The following SYNE1 variants were observed in gnomAD, a reference collection of about 807,000 sequenced individuals.
SYNE1 encodes nesprin-1.
In SYNE1, 616 loss-of-function variants were observed where a neutral mutation model predicts 1,111.0. That is an observed-to-expected ratio of 0.55 (90% CI 0.52 to 0.59). The LOEUF (loss-of-function observed/expected upper bound fraction) is 0.59, where lower values mean the gene tolerates loss of function less well. Ranked by LOEUF, SYNE1 falls within the 20% of genes least tolerant of loss-of-function variation. The pLI is 0.00. For missense variants in SYNE1, 10,006 were observed against 10,417.0 expected (o/e 0.96, Z 1.72); for synonymous variants, 3,855 against 3,825.8 (o/e 1.01, Z -0.28).
intron 3 of SYNE1, among the ~76,000 whole-genome samples, chr6:152,593,904 C>CCCACA (rs779021821): frequency 6.6e-6 from 1 of 152,178 alleles, no homozygotes; most frequent in Non-Finnish European, 1.5e-5. Context: ...TGGGCCTCCA[C>CCCACA]AAACAAGAGC....
intron 64 of SYNE1, among the ~76,000 whole-genome samples, 155 bp from the exon 65 acceptor site, chr6:152,359,613 T>C (rs1439727111): frequency 6.6e-6 from 1 of 150,680 alleles, no homozygotes; most frequent in Non-Finnish European, 1.5e-5. Context: ...GACACAGATA[T>C]GTGTGTGAAT....
chr6:152,483,337 A>ATGT, intron 13 of SYNE1, 88 bp from the exon 14 acceptor site: 5 of 1,127,046 alleles, frequency 4.4e-6, no homozygotes, highest in Non-Finnish European at 6.6e-6. Context: ...AAGCATACAT[A>ATGT]AAGCTTTAAG....
chr6:152,352,326 G>A lies in SYNE1; in HGVS notation c.11281C>T (p.His3761Tyr), dbSNP rs1370693313. 6.2e-7 allele frequency: 1 copy of A among 1,614,060 alleles called. No individual in the cohort carries two copies. Among genetic ancestry groups the A allele is most frequent in the Non-Finnish European group, 8.5e-7 (1 of 1,180,016 alleles). ...TCCCGGGCTGATTTCAGCAAACTGTGACCTTTCTCCATGTCTTTGAGCAAA... is the reference window on the plus strand; with the variant it reads ...TCCCGGGCTGATTTCAGCAAACTGTAACCTTTCTCCATGTCTTTGAGCAAA... Reference protein sequence around the residue: ...EVLLKDMEKGHSLLKSAREKG... With the variant: ...EVLLKDMEKGYSLLKSAREKG... Residue 3761 changes from histidine (H) to tyrosine (Y), a missense_variant, in exon 70 of 146, where the codon CAC becomes TAC. Physicochemically the swap from His to Tyr is moderately conservative, Grantham distance 83. This residue lies in a region of SYNE1 where 4,955 missense variants were observed against 5,017.2 expected (regional missense o/e 0.99). Transcript: ENST00000367255.
Position 152,442,189 on chromosome 6 carries a change from C to T in SYNE1, c.3894G>A (p.Gln1298=). 1.2e-6 allele frequency: 2 copies of T among 1,613,728 alleles called. No homozygotes were observed. The highest frequency in any genetic ancestry group is 8.5e-7 in the Non-Finnish European group (1 of 1,180,046). The change falls in exon 31 of 146, where the codon CAG becomes CAA. Residue 1298 remains glutamine, a synonymous_variant. Coordinates refer to ENST00000367255, the MANE Select transcript of SYNE1 (RefSeq NM_182961.4). The stretch of plus-strand genomic sequence containing the variant: ...GCAGCCCCCCTTCTCCCTGCTGCGC[C>T]TGCGCGATCTGCTGCTGCACATCTC... ...KKRDVQQQIA[Q]AQQGEGGLPD...
intron 107 of SYNE1, among the ~76,000 whole-genome samples, chr6:152,241,467 T>G (rs1282195166): frequency 1.4e-5 from 2 of 146,396 alleles, no homozygotes; most frequent in Non-Finnish European, 1.5e-5. Flanking sequence ...ACTGGCAAAA[T>G]TGCTTTCGTA....
rs756276010 is a variant in SYNE1 at position 152,278,071 on chromosome 6, A to G, written c.18573+18T>C. On this transcript the variant is annotated intron_variant, in intron 98 of 145. Coordinates refer to ENST00000367255, the MANE Select transcript of SYNE1 (RefSeq NM_182961.4). ...GTGTGCCAACTTTCAGCTGTGGGCC[A>G]GCGGCTGGAACCCTCACCTGCATGT... 1.2e-6 allele frequency: 2 copies of G among 1,613,524 alleles called. No homozygotes were observed. Among genetic ancestry groups the G allele is most frequent in the Non-Finnish European group, 1.7e-6 (2 of 1,179,828 alleles).
intron 3 of SYNE1, among the ~76,000 whole-genome samples, chr6:152,583,547 T>G (rs2099527383): frequency 6.6e-6 from 1 of 152,226 alleles, no homozygotes; most frequent in Non-Finnish European, 1.5e-5. Context: ...GGGACCTTTA[T>G]CAGAAAACTT....
chr6:152,406,965 TGG>T, intron 45 of SYNE1, 47 bp downstream of exon 45: 1 of 1,462,382 alleles, frequency 6.8e-7, no homozygotes, highest in Non-Finnish European at 9.3e-7. Context: ...TTTCATATTC[TGG>T]TCAACAATAT....
rs750993736 is a variant in SYNE1, at chr6:152,483,055, G to A, written c.1350+30C>T. 1.9e-6 allele frequency: 3 copies of A among 1,613,798 alleles called. No individual in the cohort carries two copies. In the Admixed American group the frequency reaches 5.0e-5, roughly 27 times the overall value. ...CTCCAGACCACAGTAGGGCTGTTAT[G>A]CTGCAAGGTTTTCCAACCAGAATTT... On this transcript the variant is annotated intron_variant, in intron 14 of 145. Transcript: ENST00000367255.
rs1273026201 is a variant in SYNE1 at position 152,461,720 on chromosome 6, A to G, written c.2271T>C (p.Pro757=). The G allele has an allele frequency of 6.2e-7, 1 of 1,613,886 alleles. No homozygotes were observed. The highest frequency in any genetic ancestry group is 2.2e-5 in the East Asian group (1 of 44,882). Residue 757 remains proline, a synonymous_variant, in exon 21 of 146, where the codon CCT becomes CCC. Coordinates refer to ENST00000367255, the MANE Select transcript of SYNE1 (RefSeq NM_182961.4). Reference sequence around the variant, plus strand: ...TTATCTTGTATTGGGCATCCATCACAGGCACCCTCTGCTCAATATCCTGCA... The same window carrying G: ...TTATCTTGTATTGGGCATCCATCACGGGCACCCTCTGCTCAATATCCTGCA... ...QDLEDIEQRV[P]VMDAQYKIIT... is the part of the protein sequence containing the mutation.
chr6:152,140,195 T>C (rs747020536), intron 139 of SYNE1, 34 bp from the exon 140 acceptor site: 4 of 1,603,086 alleles, frequency 2.5e-6, no homozygotes, highest in Non-Finnish European at 3.4e-6. Context: ...TGAGGTTATT[T>C]TCCTCTACAT....
At chr6:152,211,627 C>T in intron 123 of SYNE1, 39 bp from the exon 124 acceptor site, 3 of 1,548,950 alleles carry the variant, frequency 1.9e-6, no homozygotes, top group Non-Finnish European at 1.8e-6. Context: ...TTTAGAGTTC[C>T]TAATTTTAGT....
intron 16 of SYNE1, among the ~76,000 whole-genome samples, chr6:152,470,579 T>C (rs1340734912): frequency 6.6e-6 from 1 of 152,020 alleles, no homozygotes; most frequent in Non-Finnish European, 1.5e-5. Context: ...AGTTAAATCA[T>C]TTTTTTCTCA....
chr6:152,240,560 T>C (rs2085383208), intron 107 of SYNE1, among the ~76,000 whole-genome samples: 1 of 152,232 alleles, frequency 6.6e-6, no homozygotes, highest in Non-Finnish European at 1.5e-5. Flanking sequence ...GAGATTGAGC[T>C]TATCTCATTT....
At chr6:152,181,852 T>C (rs760435860) in intron 128 of SYNE1, among the ~76,000 whole-genome samples, 49 of 152,200 alleles carry the variant, frequency 3.2e-4, no homozygotes, top group African/African-American at 1.1e-3. Context: ...GGTAACACTA[T>C]AGATTGTTTT....
intron 13 of SYNE1, among the ~76,000 whole-genome samples, chr6:152,483,692 A>G (rs1331381292): frequency 6.6e-6 from 1 of 152,144 alleles, no homozygotes; most frequent in Non-Finnish European, 1.5e-5. Flanking sequence ...GAACAAGTTC[A>G]GAAAAATGAG....
At chr6:152,279,489 G>A (rs965841527) in intron 97 of SYNE1, among the ~76,000 whole-genome samples, 1 of 151,752 alleles carries the variant, frequency 6.6e-6, no homozygotes, top group Admixed American at 6.6e-5. Flanking sequence ...GCCGAGGCAG[G>A]CAGATCGCTT....
intron 144 of SYNE1, among the ~76,000 whole-genome samples, chr6:152,131,666 G>A (rs1474351648): frequency 6.6e-6 from 1 of 152,084 alleles, no homozygotes; most frequent in African/African-American, 2.4e-5. Context: ...ACCCAGAAGC[G>A]GCTTAGCTTG....
intron 127 of SYNE1, among the ~76,000 whole-genome samples, chr6:152,196,990 G>C (rs930223026): frequency 1.3e-5 from 2 of 152,190 alleles, no homozygotes; most frequent in Non-Finnish European, 2.9e-5. Context: ...GCTAGGTCTT[G>C]TGTAAATGCT....
Sources: gnomAD v4.1 joint callset for allele counts (sites outside exome capture counted in the v4.1 genomes callset) on GRCh38, gnomAD v4.1.1 for gene constraint, gnomAD v4.1.1 regional missense constraint, MANE v1.5 for transcripts, NCBI Gene and HGNC (gene_info 2026-07-23, HGNC 2026-07-21) for gene names.